CIMAP1D: variants seen among roughly 807,000 people sequenced by gnomAD.
CIMAP1D encodes the protein protein CIMAP1D.
At chr19:472,934 A>G in the CIMAP1D span, among the ~76,000 whole-genome samples, 1 of 104,866 alleles carries the variant, frequency 9.5e-6, no homozygotes, top group East Asian at 2.6e-4. Flanking sequence ...GCCTAGGCAG[A>G]GATACATGGT....
chr19:481,659 G>C, the CIMAP1D span, among the ~76,000 whole-genome samples: 1 of 152,018 alleles, frequency 6.6e-6, no homozygotes, highest in Non-Finnish European at 1.5e-5. Context: ...AGGATAATGG[G>C]AAGGATGATG....
chr19:468,759 G>A, the CIMAP1D span, among the ~76,000 whole-genome samples: 3 of 152,310 alleles, frequency 2.0e-5, no homozygotes, highest in East Asian at 3.9e-4. Flanking sequence ...TGCTGTACAT[G>A]TGGCAGTGAG....
the CIMAP1D span, among the ~76,000 whole-genome samples, chr19:488,118 G>A: frequency 1.3e-5 from 2 of 152,152 alleles, no homozygotes; most frequent in African/African-American, 2.4e-5. Context: ...TCGGCTCTTG[G>A]GACAGGAGTC....
At chr19:480,917 G>C in the CIMAP1D span, among the ~76,000 whole-genome samples, 6 of 81,730 alleles carry the variant, frequency 7.3e-5, no homozygotes, top group Admixed American at 7.3e-4. Context: ...TGGGAAGGAT[G>C]ATGGGGAAGG....
chr19:468,824 G>A, the CIMAP1D span, among the ~76,000 whole-genome samples: 3 of 44,570 alleles, frequency 6.7e-5, no homozygotes, highest in African/African-American at 1.1e-4. Context: ...TGAGGAGTCC[G>A]TGGCACGCAG....
chr19:482,593 G>A, the CIMAP1D span, among the ~76,000 whole-genome samples: 5 of 140,892 alleles, frequency 3.5e-5, no homozygotes, highest in African/African-American at 1.3e-4. Flanking sequence ...CATACAGGGT[G>A]AGATCGGCAG....
chr19:472,053 T>C, the CIMAP1D span, among the ~76,000 whole-genome samples: 1 of 152,240 alleles, frequency 6.6e-6, no homozygotes, highest in Admixed American at 6.5e-5. Flanking sequence ...CCTGCTATTG[T>C]TAACTTTTAA....
At chr19:474,823 A>G in the CIMAP1D span, 1 of 1,283,650 alleles carries the variant, frequency 7.8e-7, no homozygotes, top group Non-Finnish European at 1.0e-6. Context: ...TCTGGCGGCC[A>G]CAGGCCCAGG....
At chr19:473,772 C>T in the CIMAP1D span, among the ~76,000 whole-genome samples, 1 of 108,126 alleles carries the variant, frequency 9.2e-6, no homozygotes, top group Admixed American at 1.0e-4. Context: ...TACACGATCA[C>T]AGATGGGGAG....
chr19:487,254 G>A, the CIMAP1D span, among the ~76,000 whole-genome samples: 55 of 152,280 alleles, frequency 3.6e-4, no homozygotes, highest in Middle Eastern at 3.4e-3. Context: ...AGCCACGATG[G>A]GAGTATTTAC....
chr19:470,164 T>G, the CIMAP1D span, among the ~76,000 whole-genome samples: 1 of 151,836 alleles, frequency 6.6e-6, no homozygotes, highest in Non-Finnish European at 1.5e-5. Flanking sequence ...GAGACTGGAT[T>G]TGAACCTGGG....
the CIMAP1D span, among the ~76,000 whole-genome samples, chr19:482,801 G>A: frequency 1.3e-5 from 2 of 152,148 alleles, no homozygotes. Context: ...ACCTACACCT[G>A]CCAGTCTGAA....
the CIMAP1D span, among the ~76,000 whole-genome samples, chr19:466,763 G>A: frequency 7.5e-6 from 1 of 133,492 alleles, no homozygotes. Flanking sequence ...ATGGTTGGGT[G>A]GGTGGATGGA....
At chr19:467,679 A>G in the CIMAP1D span, 1 of 1,612,202 alleles carries the variant, frequency 6.2e-7, no homozygotes. Context: ...TGCATGGAGT[A>G]GGCAGGGGTG....
At chr19:490,013 T>C in the CIMAP1D span, 1 of 398,390 alleles carries the variant, frequency 2.5e-6, no homozygotes, top group Non-Finnish European at 4.4e-6. Flanking sequence ...GCGGCCACGA[T>C]AGAAAGAAGA....
At chr19:491,344 C>CAT in the CIMAP1D span, among the ~76,000 whole-genome samples, 4 of 152,090 alleles carry the variant, frequency 2.6e-5, no homozygotes, top group Non-Finnish European at 5.9e-5. Flanking sequence ...GTGTAAACAC[C>CAT]AGCTCTCTAG....
the CIMAP1D span, among the ~76,000 whole-genome samples, chr19:480,879 G>A: frequency 2.5e-5 from 3 of 121,534 alleles, no homozygotes; most frequent in Non-Finnish European, 5.3e-5. Context: ...GGAAAACGAT[G>A]ATGGAGAACG....
chr19:484,691 C>T, the CIMAP1D span, among the ~76,000 whole-genome samples: 1 of 152,160 alleles, frequency 6.6e-6, no homozygotes, highest in Non-Finnish European at 1.5e-5. Context: ...GGCAGGACCG[C>T]ACCTGGCGAG....
the CIMAP1D span, chr19:463,697 G>A: frequency 8.7e-7 from 1 of 1,150,300 alleles, no homozygotes; most frequent in South Asian, 1.5e-5. Context: ...GGAAGGATCA[G>A]GTGTCCTAGA....
Sources: allele counts gnomAD v4.1 joint callset (sites outside exome capture counted in the v4.1 genomes callset), GRCh38; gene constraint gnomAD v4.1.1; transcripts MANE v1.5; gene names NCBI Gene and HGNC (gene_info 2026-07-23, HGNC 2026-07-21).